The following SETDB1 variants were observed in gnomAD, a reference collection of about 807,000 sequenced individuals.
The protein encoded by SETDB1 is SET domain bifurcated histone lysine methyltransferase 1.
In SETDB1, 31 loss-of-function variants were observed where a neutral mutation model predicts 137.4. That is an observed-to-expected ratio of 0.23 (90% CI 0.17 to 0.30). The LOEUF is 0.30. Ranked by LOEUF, SETDB1 falls within the 10% of genes least tolerant of loss-of-function variation. SETDB1 has a pLI of 1.00. For synonymous variants in SETDB1, 548 were observed against 579.9 expected, an observed-to-expected ratio of 0.95 and a Z score of 0.79; for missense variants, 1,113 against 1,631.5, an observed-to-expected ratio of 0.68 and a Z score of 5.47.
chr1:150,943,099 C>T, intron 7 of SETDB1, 46 bp downstream of exon 7: 1 of 1,400,470 alleles, frequency 7.1e-7, no homozygotes. Flanking sequence ...GGGAGCACAG[C>T]ACCTGCCCTG....
intron 3 of SETDB1, among the ~76,000 whole-genome samples, chr1:150,937,669 A>G (rs1669988588): frequency 1.3e-5 from 2 of 152,234 alleles, no homozygotes; most frequent in Admixed American, 6.5e-5. Context: ...ATAAAATGCT[A>G]TAGCCACTTT....
chr1:150,949,562 A>G, intron 12 of SETDB1, 37 bp downstream of exon 12: 1 of 1,598,044 alleles, frequency 6.3e-7, no homozygotes, highest in African/African-American at 1.3e-5. Context: ...GCAGGATAGC[A>G]ATGAGTGGTC....
At chr1:150,948,379 T>C (rs1670392016) in intron 10 of SETDB1, among the ~76,000 whole-genome samples, 1 of 150,640 alleles carries the variant, frequency 6.6e-6, no homozygotes, top group South Asian at 2.1e-4. Context: ...CCAGCAATTC[T>C]CCTGCCTCAG....
chr1:150,959,599 TGATTATA>T (rs892743235), intron 15 of SETDB1, among the ~76,000 whole-genome samples: 1 of 152,082 alleles, frequency 6.6e-6, no homozygotes, highest in Non-Finnish European at 1.5e-5. Context: ...AGAACAGACA[TGATTATA>T]GAGTCCAGTG....
chr1:150,928,705 A>G (rs992412785), intron 2 of SETDB1, among the ~76,000 whole-genome samples: 1 of 152,130 alleles, frequency 6.6e-6, no homozygotes, highest in Non-Finnish European at 1.5e-5. Flanking sequence ...TGTTGGTGTC[A>G]CTTACATTAG....
At position 150,946,975 on chromosome 1, in the gene SETDB1, G is replaced by T. The variant is rs1162550469; in HGVS notation, c.1230G>T (p.Glu410Asp). Residue 410 changes from glutamate to aspartate, a missense_variant, in exon 10 of 22, where the codon GAG (glutamate) becomes GAT (aspartate). This residue lies in a region of SETDB1 where 154 missense variants were observed against 303.1 expected (regional missense o/e 0.51). Coordinates refer to ENST00000692827, the MANE Select transcript of SETDB1 (RefSeq NM_001366418.1). Reference sequence around the variant, plus strand: ...AAACATCCTCAGCCTCTGCACTGGAGAAGAAGCAAGGACAGCTCAGGACAC... The same window carrying T: ...AAACATCCTCAGCCTCTGCACTGGATAAGAAGCAAGGACAGCTCAGGACAC... ...SMKTSSASAL[E>D]KKQGQLRTRP... 1.9e-6 allele frequency: 3 copies of T among 1,614,024 alleles called. No homozygotes were observed. Among genetic ancestry groups the T allele is most frequent in the Non-Finnish European group, 2.5e-6 (3 of 1,180,010 alleles).
chr1:150,931,748 A>C, intron 3 of SETDB1, among the ~76,000 whole-genome samples: 1 of 147,164 alleles, frequency 6.8e-6, no homozygotes, highest in East Asian at 2.0e-4. Context: ...AAAAAAAAAC[A>C]GACATCCTTT....
chr1:150,927,936 G>T lies in SETDB1; in HGVS notation c.222G>T (p.Glu74Asp), dbSNP rs750494631. Reference sequence around the variant, plus strand: ...CATGGGTAATACAGAAAGAATCTGAGGTGGCTCACGTTGACCAACTCTTTG... The same window carrying T: ...CATGGGTAATACAGAAAGAATCTGATGTGGCTCACGTTGACCAACTCTTTG... ...LETWVIQKES[E>D]VAHVDQLFDD... The change falls in exon 2 of 22, where the codon GAG (glutamate) becomes GAT (aspartate). Residue 74 changes from glutamate (E) to aspartate (D), a missense_variant. Glu to Asp is a conservative substitution (Grantham distance 45). Around this residue, in one of 11 missense-constraint regions of SETDB1, gnomAD observed 159 missense variants for 188.6 expected, o/e 0.84. Transcript: ENST00000692827. The T allele has an allele frequency of 6.2e-7, 1 of 1,614,216 alleles. No homozygotes were observed. The highest frequency in any genetic ancestry group is 1.1e-5 in the South Asian group (1 of 91,074).
Position 150,950,696 on chromosome 1 carries a change from G to T in SETDB1, c.1822G>T (p.Asp608Tyr). The T allele has an allele frequency of 6.2e-7, 1 of 1,614,214 alleles. No homozygotes were observed. The highest frequency in any genetic ancestry group is 8.5e-7 in the Non-Finnish European group (1 of 1,180,040). The change falls in exon 13 of 22, where the codon GAC (aspartate) becomes TAC (tyrosine). Residue 608 changes from aspartate (D) to tyrosine (Y), a missense_variant. Physicochemically the swap from Asp to Tyr is radical, Grantham distance 160 (BLOSUM62 -3). This residue lies in a region of SETDB1 where 55 missense variants were observed against 118.5 expected (regional missense o/e 0.46). Transcript: ENST00000692827. ...KNPLLVPLLYDFRRMTARRRV... is the reference protein window; with the variant it reads ...KNPLLVPLLYYFRRMTARRRV... ...CCCTCTGCTGGTCCCGTTACTATATGACTTCCGGCGGATGACAGCCCGGCG... is the reference window on the plus strand; with the variant it reads ...CCCTCTGCTGGTCCCGTTACTATATTACTTCCGGCGGATGACAGCCCGGCG...
rs753428185 is a variant in SETDB1, at chr1:150,945,146, G to GT, written c.1140+39dup. The stretch of plus-strand genomic sequence containing the variant: ...TCTACAATTTTGGAGGCAGAGGTTG[G>GT]TGGGGGGGGAACTTAAGAAGCAGTA... On this transcript the variant is annotated intron_variant, in intron 9 of 21. Coordinates refer to ENST00000692827, the MANE Select transcript of SETDB1 (RefSeq NM_001366418.1). 93 of 1,612,690 alleles carry GT rather than the reference G, an allele frequency of 5.8e-5. No individual in the cohort carries two copies. Among genetic ancestry groups the GT allele is most frequent in the Non-Finnish European group, 7.0e-5 (82 of 1,179,506 alleles).
intron 14 of SETDB1, among the ~76,000 whole-genome samples, chr1:150,957,826 C>T (rs955957038): frequency 2.6e-5 from 4 of 152,194 alleles, no homozygotes; most frequent in Non-Finnish European, 5.9e-5. Context: ...ACCTCAGCAT[C>T]CTCAGTAGCT....
At chr1:150,961,599 A>G in intron 16 of SETDB1, 1 of 207,088 alleles carries the variant, frequency 4.8e-6, no homozygotes, top group Non-Finnish European at 9.9e-6. Context: ...AGGTGCAGTG[A>G]GCCGAGATCG....
intron 16 of SETDB1, chr1:150,961,519 G>A (rs1458140334): frequency 6.2e-6 from 2 of 320,124 alleles, no homozygotes; most frequent in Non-Finnish European, 1.2e-5. Flanking sequence ...GCCGGGCGTG[G>A]TGGTGCATGC....
At position 150,929,702 on chromosome 1, in the gene SETDB1, A is replaced by G. The variant is rs75492374; in HGVS notation, c.261-265A>G. On this transcript the variant is annotated intron_variant, in intron 2 of 21. Coordinates refer to ENST00000692827, the MANE Select transcript of SETDB1 (RefSeq NM_001366418.1). ...CAGCCAGGATACATTTTCAGATAACAGCAAGGTAAATAATGAGGTAAGGGT... is the reference window on the plus strand; with the variant it reads ...CAGCCAGGATACATTTTCAGATAACGGCAAGGTAAATAATGAGGTAAGGGT... Among the ~76,000 whole-genome samples the G allele has an allele frequency of 6.4e-3, 970 of 152,234 alleles. 7 individuals carry two copies. The highest frequency in any genetic ancestry group is 1.0e-2 in the Non-Finnish European group (680 of 68,016).
chr1:150,936,514 ACAGTTTAT>A (rs1669949090), intron 3 of SETDB1, among the ~76,000 whole-genome samples: 1 of 152,172 alleles, frequency 6.6e-6, no homozygotes, highest in African/African-American at 2.4e-5. Context: ...TGAATATGCC[ACAGTTTAT>A]CAGTTTTCCT....
At chr1:150,940,787 C>T (rs1478130097) in intron 4 of SETDB1, among the ~76,000 whole-genome samples, 3 of 151,918 alleles carry the variant, frequency 2.0e-5, no homozygotes, top group Admixed American at 6.6e-5. Flanking sequence ...AACACGAGGT[C>T]AGGAGTTTGA....
Position 150,963,156 on chromosome 1 carries a change from T to C in SETDB1, c.3460+17T>C, listed in dbSNP as rs1480546041. 6.2e-7 allele frequency: 1 copy of C among 1,600,824 alleles called. No individual in the cohort carries two copies. Among genetic ancestry groups the C allele is most frequent in the Admixed American group, 1.7e-5 (1 of 58,546 alleles). On this transcript the variant is annotated intron_variant, in intron 19 of 21. Transcript: ENST00000692827. ...ACATGACTGGTAGCCTGGAAAAATT[T>C]TGGGAATGGTGGGAAGAAATAGTAA...
intron 3 of SETDB1, among the ~76,000 whole-genome samples, chr1:150,936,271 G>C (rs755250027): frequency 6.6e-6 from 1 of 152,156 alleles, no homozygotes; most frequent in Non-Finnish European, 1.5e-5. Context: ...TTACAGGCGT[G>C]AGCCACCCTG....
At chr1:150,942,263 AC>A (rs1310703635) in intron 5 of SETDB1, among the ~76,000 whole-genome samples, 1 of 151,722 alleles carries the variant, frequency 6.6e-6, no homozygotes, top group East Asian at 1.9e-4. Context: ...ACATGGTGAA[AC>A]CCCGTCTCTA....
Sources: gnomAD v4.1 joint callset for allele counts (sites outside exome capture counted in the v4.1 genomes callset) on GRCh38, gnomAD v4.1.1 for gene constraint, gnomAD v4.1.1 regional missense constraint, MANE v1.5 for transcripts, NCBI Gene and HGNC (gene_info 2026-07-23, HGNC 2026-07-21) for gene names.